AUTS2: variants seen among roughly 807,000 people sequenced by gnomAD.
AUTS2 encodes activator of transcription and developmental regulator AUTS2.
A neutral mutation model predicts 112.4 loss-of-function variants in AUTS2; 17 were observed. The ratio of observed to expected loss-of-function variants is 0.15; its 90% CI spans 0.10 to 0.23. The LOEUF is 0.23. Ranked by LOEUF, AUTS2 falls within the 10% of genes least tolerant of loss-of-function variation. AUTS2 has a pLI of 1.00. For synonymous variants in AUTS2, 751 were observed against 702.7 expected (o/e 1.07, Z -1.09); for missense variants, 1,510 against 1,701.6 (o/e 0.89, Z 1.98).
intron 2 of AUTS2, among the ~76,000 whole-genome samples, chr7:70,103,213 G>T (rs966742411): frequency 6.6e-6 from 1 of 152,150 alleles, no homozygotes; most frequent in African/African-American, 2.4e-5. Flanking sequence ...CTCTGGAGGG[G>T]TAGCATAATG....
intron 1 of AUTS2, among the ~76,000 whole-genome samples, chr7:69,858,249 A>C (rs1298723682): frequency 2.0e-5 from 3 of 152,198 alleles, no homozygotes; most frequent in African/African-American, 7.2e-5. Context: ...CATAAGCTTT[A>C]GTTGCTGCTG....
At chr7:70,249,966 ATAT>A (rs1295332229) in intron 4 of AUTS2, among the ~76,000 whole-genome samples, 1 of 150,376 alleles carries the variant, frequency 6.6e-6, no homozygotes, top group African/African-American at 2.4e-5. Flanking sequence ...TTTACTTAAA[ATAT>A]TAATATTTTA....
chr7:70,035,084 A>T (rs1428369819), intron 2 of AUTS2, among the ~76,000 whole-genome samples: 3 of 152,188 alleles, frequency 2.0e-5, no homozygotes, highest in Non-Finnish European at 4.4e-5. Flanking sequence ...GCATTCAACA[A>T]TTCTCTTCCC....
intron 5 of AUTS2, among the ~76,000 whole-genome samples, chr7:70,618,433 G>A (rs753474399): frequency 9.2e-5 from 14 of 152,248 alleles, no homozygotes; most frequent in South Asian, 4.1e-4. Flanking sequence ...TACTTAGCTC[G>A]CAGTTTATGC....
At chr7:70,615,933 T>C (rs6973398) in intron 5 of AUTS2, among the ~76,000 whole-genome samples, 4,434 of 152,002 alleles carry the variant, frequency 0.029, 93 homozygotes, top group Non-Finnish European at 0.042. Flanking sequence ...TTCAGAGAGG[T>C]AGGGTTTTGC....
At position 70,451,340 on chromosome 7, in the gene AUTS2, T is replaced by TAC. The variant is rs888409034; in HGVS notation, c.690+15563_690+15564dup. On this transcript the variant is annotated intron_variant, in intron 5 of 18. Coordinates refer to ENST00000342771, the MANE Select transcript of AUTS2 (RefSeq NM_015570.4). Reference sequence around the variant, plus strand: ...ACTCAATATACCCATGTAACAAACATACACATGTACCCCCGAATCTAAAAT... The same window carrying TAC: ...ACTCAATATACCCATGTAACAAACATACACACATGTACCCCCGAATCTAAAAT... Among the ~76,000 whole-genome samples, 50 of 152,234 alleles carry TAC rather than the reference T, an allele frequency of 3.3e-4. 1 individual carries two copies. The highest frequency in any genetic ancestry group is 1.2e-3 in the African/African-American group (49 of 41,538).
At chr7:70,496,557 C>T in intron 5 of AUTS2, among the ~76,000 whole-genome samples, 1 of 139,408 alleles carries the variant, frequency 7.2e-6, no homozygotes, top group Admixed American at 7.1e-5. Flanking sequence ...GTCAGACACA[C>T]ACACACACCC....
chr7:70,068,178 C>CTT (rs774140092), intron 2 of AUTS2, among the ~76,000 whole-genome samples: 10 of 137,736 alleles, frequency 7.3e-5, no homozygotes, highest in East Asian at 2.1e-4. Flanking sequence ...TTTTTTTTTT[C>CTT]TTTTTTTTTT....
intron 1 of AUTS2, among the ~76,000 whole-genome samples, chr7:69,755,558 G>A (rs192467862): frequency 1.3e-5 from 2 of 152,204 alleles, no homozygotes; most frequent in Admixed American, 6.5e-5. Flanking sequence ...GTCTGACATC[G>A]CTGTTGTTTT....
intron 5 of AUTS2, among the ~76,000 whole-genome samples, chr7:70,567,823 C>A (rs1043850733): frequency 6.6e-6 from 1 of 152,126 alleles, no homozygotes; most frequent in African/African-American, 2.4e-5. Context: ...GTGCCCTGAC[C>A]CCCCAGGTGT....
At chr7:70,760,574 A>G (rs934487755) in intron 6 of AUTS2, among the ~76,000 whole-genome samples, 1 of 152,224 alleles carries the variant, frequency 6.6e-6, no homozygotes, top group African/African-American at 2.4e-5. Flanking sequence ...AAAGAAAAAT[A>G]TGGGAAATTT....
In AUTS2 at chr7:70,518,831, G is replaced by A. The variant is rs1799526986; in HGVS notation, c.690+83050G>A. Among the ~76,000 whole-genome samples, 3 of 152,116 alleles carry A rather than the reference G, an allele frequency of 2.0e-5. No individual in the cohort carries two copies. The South Asian group carries it at 6.2e-4, about 32-fold the overall frequency. ...CGATTCTTGTGCCTCAGCCTCCTGA[G>A]TAGCTGGCATTACAGGTGCACACCA... On this transcript the variant is annotated intron_variant, in intron 5 of 18. Transcript: ENST00000342771.
intron 1 of AUTS2, among the ~76,000 whole-genome samples, chr7:69,621,623 T>C (rs1793667682): frequency 6.6e-6 from 1 of 152,222 alleles, no homozygotes; most frequent in South Asian, 2.1e-4. Context: ...TTAAACTAAC[T>C]GAACTAAAAA....
chr7:70,793,263 C>T lies in AUTS2; in HGVS notation c.*2267C>T, dbSNP rs920169991. On this transcript the variant is annotated 3_prime_UTR_variant, in exon 19 of 19. Transcript: ENST00000342771. ...TTTCCAGCAGTGATGAGAATTCTGA[C>T]CTAGGGCCTGTGACAACAGTTTTTG... 6.6e-6 allele frequency: 1 copy of T among 152,132 alleles called. No homozygotes were observed. The highest frequency in any genetic ancestry group is 1.5e-5 in the Non-Finnish European group (1 of 68,038). 9.4% of individuals were successfully genotyped at this position (152,132 alleles called of 1,614,324 possible).
At chr7:70,384,265 C>A (rs761149821) in intron 4 of AUTS2, among the ~76,000 whole-genome samples, 1 of 152,180 alleles carries the variant, frequency 6.6e-6, no homozygotes, top group African/African-American at 2.4e-5. Flanking sequence ...GAACATATTG[C>A]TTGGCAGGTG....
intron 5 of AUTS2, among the ~76,000 whole-genome samples, chr7:70,474,533 A>C (rs992540126): frequency 1.3e-5 from 2 of 152,198 alleles, no homozygotes; most frequent in African/African-American, 4.8e-5. Flanking sequence ...GGAAGTCTTT[A>C]TTGTACCAGT....
At chr7:70,164,283 A>G (rs1808267636) in intron 4 of AUTS2, among the ~76,000 whole-genome samples, 1 of 152,076 alleles carries the variant, frequency 6.6e-6, no homozygotes, top group Non-Finnish European at 1.5e-5. Context: ...TAAGTAGTAA[A>G]CCAATATTGC....
chr7:69,669,782 G>T (rs1320571119), intron 1 of AUTS2, among the ~76,000 whole-genome samples: 1 of 151,954 alleles, frequency 6.6e-6, no homozygotes, highest in Non-Finnish European at 1.5e-5. Context: ...TTGTAAGAAG[G>T]ATATGGCCCT....
At chr7:69,987,469 G>A (rs539033299) in intron 2 of AUTS2, among the ~76,000 whole-genome samples, 5 of 152,078 alleles carry the variant, frequency 3.3e-5, no homozygotes, top group Admixed American at 1.3e-4. Flanking sequence ...TCCCTTTCTT[G>A]TTCTTTTTGC....
Sources: allele counts gnomAD v4.1 joint callset (sites outside exome capture counted in the v4.1 genomes callset), GRCh38; gene constraint gnomAD v4.1.1; transcripts MANE v1.5; gene names NCBI Gene and HGNC (gene_info 2026-07-23, HGNC 2026-07-21).